SPECC1: variants seen among roughly 807,000 people sequenced by gnomAD.
The protein encoded by SPECC1 is cytospin-B.
Under a neutral mutation model 104.1 loss-of-function variants are expected in SPECC1, and 62 were observed. The ratio of observed to expected loss-of-function variants is 0.60; its 90% CI spans 0.49 to 0.74. SPECC1 has a LOEUF of 0.74. Among genes scored for constraint, SPECC1 ranks in the 30% least tolerant of loss-of-function variants. SPECC1 has a pLI of 0.00. For synonymous variants in SPECC1, 513 were observed against 501.6 expected (o/e 1.02, Z -0.30); for missense variants, 1,306 against 1,310.5 (o/e 1.00, Z 0.05).
At chr17:20,289,711 G>A (rs1598149280) in intron 12 of SPECC1, among the ~76,000 whole-genome samples, 1 of 152,224 alleles carries the variant, frequency 6.6e-6, no homozygotes, top group African/African-American at 2.4e-5. Flanking sequence ...ACTGGACTGG[G>A]AGTTGCTGGT....
chr17:20,110,401 TC>T (rs1304938425), intron 2 of SPECC1, 25 bp from the exon 3 acceptor site: 1 of 1,588,850 alleles, frequency 6.3e-7, no homozygotes. Flanking sequence ...CTCTTCATCC[TC>T]TCTCTTTCCT....
At chr17:20,236,938 C>G in intron 7 of SPECC1, 1 of 1,612,816 alleles carries the variant, frequency 6.2e-7, no homozygotes, top group South Asian at 1.1e-5. Flanking sequence ...GGAGCCGCAG[C>G]CATCTCTAGA....
chr17:20,037,794 T>G (rs1016163844), intron 1 of SPECC1, among the ~76,000 whole-genome samples: 9 of 152,332 alleles, frequency 5.9e-5, no homozygotes, highest in Admixed American at 5.2e-4. Context: ...AAGATATTTT[T>G]CACAGTACAT....
At chr17:20,106,098 C>T (rs1011014997) in intron 2 of SPECC1, among the ~76,000 whole-genome samples, 17 of 152,268 alleles carry the variant, frequency 1.1e-4, no homozygotes, top group East Asian at 3.9e-4. Context: ...GTATGGCTTG[C>T]GTTATTGCGT....
chr17:20,177,125 A>G (rs1325454485), intron 3 of SPECC1, among the ~76,000 whole-genome samples: 1 of 152,206 alleles, frequency 6.6e-6, no homozygotes, highest in Non-Finnish European at 1.5e-5. Flanking sequence ...GGAAGTTTGG[A>G]AGGCTTTTAG....
chr17:20,220,582 G>A (rs1263099462), intron 4 of SPECC1, among the ~76,000 whole-genome samples: 1 of 141,944 alleles, frequency 7.0e-6, no homozygotes, highest in East Asian at 2.1e-4. Context: ...TTTTTTTGTG[G>A]AGGCTAGTTT....
intron 1 of SPECC1, among the ~76,000 whole-genome samples, chr17:20,078,364 A>G (rs2046842765): frequency 6.6e-6 from 1 of 151,956 alleles, no homozygotes; most frequent in African/African-American, 2.4e-5. Flanking sequence ...CCAAAGAAAA[A>G]TGGGCAAAGG....
chr17:20,111,229 T>A (rs2048475830), intron 3 of SPECC1, among the ~76,000 whole-genome samples: 1 of 152,238 alleles, frequency 6.6e-6, no homozygotes, highest in Non-Finnish European at 1.5e-5. Context: ...AGTGTATTGC[T>A]AAATTGTCTA....
At chr17:20,274,453 T>G (rs2040507693) in intron 12 of SPECC1, among the ~76,000 whole-genome samples, 1 of 152,196 alleles carries the variant, frequency 6.6e-6, no homozygotes, top group Admixed American at 6.5e-5. Context: ...CTTGTTGGTT[T>G]TCTAGGTAAA....
chr17:20,206,836 T>G (rs896928904), intron 4 of SPECC1, among the ~76,000 whole-genome samples: 2 of 152,214 alleles, frequency 1.3e-5, no homozygotes, highest in African/African-American at 4.8e-5. Context: ...GATCATGAGC[T>G]TTCCTGAGCC....
chr17:20,247,477 A>G (rs541594816), intron 9 of SPECC1, among the ~76,000 whole-genome samples, 158 bp downstream of exon 9: 2 of 152,198 alleles, frequency 1.3e-5, no homozygotes, highest in East Asian at 3.9e-4. Context: ...TACTTATTTC[A>G]CTTTATCATC....
intron 3 of SPECC1, among the ~76,000 whole-genome samples, chr17:20,170,715 ATTTTTCT>A (rs59621678): frequency 0.25 from 37,564 of 151,566 alleles, 5,786 homozygotes; most frequent in African/African-American, 0.45. Flanking sequence ...CTTCAGAAAA[ATTTTTCT>A]TTTTTCTTTT....
At chr17:20,226,954 G>A (rs138028482) in intron 4 of SPECC1, among the ~76,000 whole-genome samples, 1 of 152,208 alleles carries the variant, frequency 6.6e-6, no homozygotes, top group Non-Finnish European at 1.5e-5. Flanking sequence ...CATAGCAGAT[G>A]TGCGGTGGGG....
chr17:20,224,938 A>G (rs542569353), intron 4 of SPECC1, among the ~76,000 whole-genome samples: 270 of 152,328 alleles, frequency 1.8e-3, no homozygotes, highest in African/African-American at 6.4e-3. Flanking sequence ...TGTGTGGCCC[A>G]TGATGAGTAC....
At chr17:20,091,154 G>A (rs951648789) in intron 1 of SPECC1, among the ~76,000 whole-genome samples, 1 of 152,140 alleles carries the variant, frequency 6.6e-6, no homozygotes, top group Non-Finnish European at 1.5e-5. Context: ...TTCTTCTGAT[G>A]CTGTATGGAA....
In SPECC1 at chr17:20,204,548, G is replaced by A. The variant is rs1380602446; in HGVS notation, c.499G>A (p.Glu167Lys). Residue 167 changes from glutamate to lysine, a missense_variant, in exon 4 of 15, where the codon GAG (glutamate) becomes AAG (lysine). This residue lies in a region of SPECC1 where 1,177 missense variants were observed against 1,139.9 expected (regional missense o/e 1.03). Transcript: ENST00000395527. The part of the protein sequence containing the change: ...ENEGGEKAAL[E>K]SQVRELLAEA... ...TGAAGGTGGAGAAAAGGCTGCGCTT[G>A]AGTCCCAAGTTCGGGAACTTTTGGC... 1.2e-6 allele frequency: 2 copies of A among 1,614,086 alleles called. No homozygotes were observed. The highest frequency in any genetic ancestry group is 1.7e-6 in the Non-Finnish European group (2 of 1,180,048).
At chr17:20,085,914 C>G (rs1424715339) in intron 1 of SPECC1, among the ~76,000 whole-genome samples, 2 of 152,186 alleles carry the variant, frequency 1.3e-5, no homozygotes, top group East Asian at 3.9e-4. Context: ...CGGCGATGAT[C>G]CAGGTTTTGT....
chr17:20,194,415 T>G (rs1303836610), intron 3 of SPECC1, among the ~76,000 whole-genome samples: 1 of 151,932 alleles, frequency 6.6e-6, no homozygotes, highest in East Asian at 1.9e-4. Context: ...TCAAGTTTAA[T>G]TCCTTAAAGG....
chr17:20,079,468 T>G (rs918640626), intron 1 of SPECC1, among the ~76,000 whole-genome samples: 2 of 151,958 alleles, frequency 1.3e-5, no homozygotes, highest in African/African-American at 4.8e-5. Flanking sequence ...CCTGGCTAAT[T>G]TATTTATTTG....
Sources: gnomAD v4.1 joint callset for allele counts (sites outside exome capture counted in the v4.1 genomes callset) on GRCh38, gnomAD v4.1.1 for gene constraint, gnomAD v4.1.1 regional missense constraint, MANE v1.5 for transcripts, NCBI Gene and HGNC (gene_info 2026-07-23, HGNC 2026-07-21) for gene names.